The following PCDHA7 variants were observed in gnomAD, a reference collection of about 807,000 sequenced individuals.
The protein encoded by PCDHA7 is protocadherin alpha-7.
A neutral mutation model predicts 57.2 loss-of-function variants in PCDHA7; 37 were observed. The observed-to-expected ratio is 0.65, with a 90% CI of 0.50 to 0.85. The LOEUF is 0.85. PCDHA7 is among the 40% of genes least tolerant of loss of function. The pLI is 0.00. For missense variants in PCDHA7, 1,188 were observed against 1,241.8 expected (o/e 0.96, Z 0.65); for synonymous variants, 553 against 558.8 (o/e 0.99, Z 0.15).
rs2150336265 is a variant in PCDHA7, at chr5:140,842,444, A to C, written c.2355+5706A>C. 3.1e-6 allele frequency: 5 copies of C among 1,613,778 alleles called. No homozygotes were observed. The East Asian group carries it at 1.1e-4, about 36-fold the overall frequency. On this transcript the variant is annotated intron_variant, in intron 1 of 3. Transcript: ENST00000525929. ...TACTGTCATCGCCCTAATTAGCGTGAACGACCTCGATTCAGGTGCCAACGG... is the reference window on the plus strand; with the variant it reads ...TACTGTCATCGCCCTAATTAGCGTGCACGACCTCGATTCAGGTGCCAACGG...
In PCDHA7 at chr5:140,904,839, ATCT is replaced by A. The variant is rs1480252178; in HGVS notation, c.2355+68108_2355+68110del. 4.1e-4 allele frequency among the ~76,000 whole-genome samples: 62 copies of A among 152,040 alleles called. No individual in the cohort carries two copies. The East Asian group carries it at 6.4e-3, about 16-fold the overall frequency. Reference sequence around the variant, plus strand: ...TTGAGCATTTTTTTATATGTTTCATATCTTCTTCTGAGAATTGTCTGTTTATGT... The same window carrying A: ...TTGAGCATTTTTTTATATGTTTCATATCTTCTGAGAATTGTCTGTTTATGT... On this transcript the variant is annotated intron_variant, in intron 1 of 3. Coordinates refer to ENST00000525929, the MANE Select transcript of PCDHA7 (RefSeq NM_018910.3).
rs782194896 is a variant in PCDHA7 at position 140,992,662 on chromosome 5, G to A, written c.2503+10099G>A. Among the ~76,000 whole-genome samples, 4 of 152,160 alleles carry A rather than the reference G, an allele frequency of 2.6e-5. 1 individual carries two copies. The highest frequency in any genetic ancestry group is 5.9e-5 in the Non-Finnish European group (4 of 68,028). ...GAAAATAGAAGAAAGAGCCTGATTGGTGTGTATGTGTGTGTTAGGGGTTGA... is the reference window on the plus strand; with the variant it reads ...GAAAATAGAAGAAAGAGCCTGATTGATGTGTATGTGTGTGTTAGGGGTTGA... On this transcript the variant is annotated intron_variant, in intron 3 of 3. Transcript: ENST00000525929.
chr5:140,967,012 G>A, intron 1 of PCDHA7: 1 of 1,606,776 alleles, frequency 6.2e-7, no homozygotes, highest in Non-Finnish European at 8.5e-7. Flanking sequence ...TCAACCATCT[G>A]GGTGCGCCCA....
chr5:140,942,266 T>A (rs2093257794), intron 1 of PCDHA7, among the ~76,000 whole-genome samples: 1 of 152,134 alleles, frequency 6.6e-6, no homozygotes, highest in South Asian at 2.1e-4. Flanking sequence ...TATCTAAAGC[T>A]GGTAATGGTG....
intron 1 of PCDHA7, among the ~76,000 whole-genome samples, chr5:140,846,287 T>G (rs1554141208): frequency 6.7e-6 from 1 of 149,424 alleles, no homozygotes; most frequent in East Asian, 1.9e-4. Flanking sequence ...ATGTTGTAGT[T>G]CTATGAATTA....
intron 1 of PCDHA7, chr5:140,848,942 C>A (rs1417497577): frequency 6.2e-7 from 1 of 1,607,226 alleles, no homozygotes; most frequent in African/African-American, 1.4e-5. Flanking sequence ...GGCCGCTTGA[C>A]TCTCGGTTTC....
chr5:140,891,076 A>G (rs2062939819), intron 1 of PCDHA7, among the ~76,000 whole-genome samples: 1 of 152,160 alleles, frequency 6.6e-6, no homozygotes, highest in African/African-American at 2.4e-5. Flanking sequence ...TCCAGTGTCT[A>G]CTGGTTTCCA....
At chr5:140,997,504 C>T (rs2097772452) in intron 3 of PCDHA7, among the ~76,000 whole-genome samples, 1 of 152,042 alleles carries the variant, frequency 6.6e-6, no homozygotes, top group South Asian at 2.1e-4. Flanking sequence ...TCTCAACATA[C>T]CTAAACGCAG....
intron 3 of PCDHA7, among the ~76,000 whole-genome samples, chr5:140,996,531 G>C (rs782175834): frequency 6.6e-6 from 1 of 152,146 alleles, no homozygotes; most frequent in Non-Finnish European, 1.5e-5. Context: ...GGCCCTGTGT[G>C]TTTTGATATT....
Position 140,945,638 on chromosome 5 carries a change from A to G in PCDHA7, c.2356-33311A>G, listed in dbSNP as rs187448798. ...CATGGTACTGGCATAAAAGACATGTAGACCAATGGAGCAGAATACAGCTCC... is the reference window on the plus strand; with the variant it reads ...CATGGTACTGGCATAAAAGACATGTGGACCAATGGAGCAGAATACAGCTCC... On this transcript the variant is annotated intron_variant, in intron 1 of 3. Transcript: ENST00000525929. 2.6e-5 allele frequency among the ~76,000 whole-genome samples: 4 copies of G among 152,300 alleles called. No homozygotes were observed. The East Asian group carries it at 5.8e-4, about 22-fold the overall frequency.
intron 1 of PCDHA7, among the ~76,000 whole-genome samples, chr5:140,978,737 G>A (rs2096820627): frequency 6.6e-6 from 1 of 152,180 alleles, no homozygotes; most frequent in Admixed American, 6.5e-5. Context: ...GGTCTTCCAG[G>A]GTATCTAATC....
At chr5:140,927,359 A>G in intron 1 of PCDHA7, 2 of 1,613,980 alleles carry the variant, frequency 1.2e-6, no homozygotes, top group Middle Eastern at 1.6e-4. Flanking sequence ...GAGGGAAGCA[A>G]TGGGATACTA....
At chr5:140,877,048 G>T (rs376952553) in intron 1 of PCDHA7, 1 of 1,612,676 alleles carries the variant, frequency 6.2e-7, no homozygotes, top group Non-Finnish European at 8.5e-7. Flanking sequence ...GCTAGACCAC[G>T]AGGAGCTGGA....
chr5:140,980,857 T>C (rs2153822974), intron 2 of PCDHA7, among the ~76,000 whole-genome samples: 1 of 152,334 alleles, frequency 6.6e-6, no homozygotes. Flanking sequence ...ATCTTTTTCG[T>C]ATGTGTGCTT....
intron 1 of PCDHA7, chr5:140,882,806 T>A: frequency 6.2e-7 from 1 of 1,614,218 alleles, no homozygotes; most frequent in Non-Finnish European, 8.5e-7. Flanking sequence ...TTATTTCACT[T>A]TGGACGCACA....
At chr5:140,909,439 G>C (rs1348703640) in intron 1 of PCDHA7, among the ~76,000 whole-genome samples, 1 of 152,210 alleles carries the variant, frequency 6.6e-6, no homozygotes, top group Admixed American at 6.5e-5. Context: ...ATAATCCACT[G>C]TCATTCTCCA....
chr5:140,923,189 C>A (rs1452451112), intron 1 of PCDHA7, among the ~76,000 whole-genome samples: 1 of 152,210 alleles, frequency 6.6e-6, no homozygotes, highest in African/African-American at 2.4e-5. Flanking sequence ...GCATCTACTG[C>A]AGCAATTTGG....
At chr5:140,877,390 G>C in intron 1 of PCDHA7, 1 of 1,613,986 alleles carries the variant, frequency 6.2e-7, no homozygotes, top group Non-Finnish European at 8.5e-7. Flanking sequence ...CCTGGATGAG[G>C]CGGACGCTCC....
In PCDHA7 at chr5:140,853,519, C is replaced by G. The variant is rs73793503; in HGVS notation, c.2355+16781C>G. ...GAATCATGAAACAATAATGAAGCTCCTCCTATGTCTCTTTTCAAGTTGTAA... is the reference window on the plus strand; with the variant it reads ...GAATCATGAAACAATAATGAAGCTCGTCCTATGTCTCTTTTCAAGTTGTAA... On this transcript the variant is annotated intron_variant, in intron 1 of 3. Transcript: ENST00000525929. The G allele has an allele frequency of 2.2e-3, 2,124 of 976,444 alleles. 135 individuals are homozygous for G. The African/African-American group carries it at 0.036, about 16-fold the overall frequency. The allele number at this position is 976,444 out of a possible 1,614,324, so 60.5% of individuals were successfully genotyped here. A position where few individuals can be genotyped will look rare whatever the true frequency, so the allele number is the denominator to read the frequency against.
Sources: allele counts gnomAD v4.1 joint callset (sites outside exome capture counted in the v4.1 genomes callset), GRCh38; gene constraint gnomAD v4.1.1; transcripts MANE v1.5; gene names NCBI Gene and HGNC (gene_info 2026-07-23, HGNC 2026-07-21).